Variants in CNTN1 observed in about 807,000 individuals in gnomAD.
CNTN1 encodes the protein contactin-1.
Under a neutral mutation model 126.4 loss-of-function variants are expected in CNTN1, and 38 were observed. That is an observed-to-expected ratio of 0.30 (90% CI 0.23 to 0.39). The LOEUF is 0.39. CNTN1 is among the 10% of genes least tolerant of loss of function. CNTN1 has a pLI of 1.00. For synonymous variants in CNTN1, 413 were observed against 422.6 expected, an observed-to-expected ratio of 0.98 and a Z score of 0.28; for missense variants, 1,009 against 1,248.4, an observed-to-expected ratio of 0.81 and a Z score of 2.89.
At chr12:40,755,224 A>AAAAAAAAAAAAAG (rs1565690132) in intron 1 of CNTN1, among the ~76,000 whole-genome samples, 1 of 124,184 alleles carries the variant, frequency 8.1e-6, no homozygotes, top group African/African-American at 3.1e-5. Context: ...AAAAAAAAAA[A>AAAAAAAAAAAAAG]AAGAAGAAAA....
intron 17 of CNTN1, among the ~76,000 whole-genome samples, chr12:41,000,632 A>AT (rs142621235): frequency 0.67 from 101,959 of 151,550 alleles, 35,062 homozygotes; most frequent in African/African-American, 0.82. Context: ...ATATAGTTTT[A>AT]TTTTTTTTAA....
intron 1 of CNTN1, among the ~76,000 whole-genome samples, chr12:40,818,583 G>T (rs1232215497): frequency 6.6e-6 from 1 of 152,036 alleles, no homozygotes; most frequent in African/African-American, 2.4e-5. Flanking sequence ...CTTTTATCAA[G>T]GTTCTTAGCT....
intron 23 of CNTN1, among the ~76,000 whole-genome samples, chr12:41,049,707 C>T (rs867611813): frequency 1.8e-4 from 27 of 152,252 alleles, no homozygotes; most frequent in Admixed American, 4.6e-4. Context: ...TGCACAAAAA[C>T]CTTTAATGGC....
chr12:40,878,977 A>G (rs1297707173), intron 1 of CNTN1, among the ~76,000 whole-genome samples: 1 of 152,170 alleles, frequency 6.6e-6, no homozygotes, highest in Non-Finnish European at 1.5e-5. Flanking sequence ...TTAATTTTTC[A>G]TAGTCCATAT....
rs542337718 is a variant in CNTN1, at chr12:40,904,921, T to C, written c.-76-3436T>C. ...GCTTACAGCCTAATGGAATAATAAATGGTTACTGAATACTTTCAGTCAACA... is the reference window on the plus strand; with the variant it reads ...GCTTACAGCCTAATGGAATAATAAACGGTTACTGAATACTTTCAGTCAACA... On this transcript the variant is annotated intron_variant, in intron 1 of 23. Coordinates refer to ENST00000551295, the MANE Select transcript of CNTN1 (RefSeq NM_001843.4). Among the ~76,000 whole-genome samples the C allele has an allele frequency of 2.0e-5, 3 of 152,370 alleles. No individual in the cohort carries two copies. In the East Asian group the frequency reaches 5.8e-4, roughly 29 times the overall value.
chr12:40,795,825 T>C (rs1271050532), intron 1 of CNTN1, among the ~76,000 whole-genome samples: 6 of 152,136 alleles, frequency 3.9e-5, no homozygotes, highest in Admixed American at 1.3e-4. Context: ...TGCTAACAGT[T>C]TTTATCACTT....
intron 20 of CNTN1, among the ~76,000 whole-genome samples, chr12:41,024,366 A>AT (rs1289763658): frequency 6.6e-6 from 1 of 151,908 alleles, no homozygotes; most frequent in African/African-American, 2.4e-5. Flanking sequence ...ATTTTTATTC[A>AT]TTTTATTCAT....
intron 1 of CNTN1, among the ~76,000 whole-genome samples, chr12:40,702,013 G>C (rs1185362995): frequency 1.3e-5 from 2 of 152,100 alleles, no homozygotes; most frequent in Non-Finnish European, 2.9e-5. Flanking sequence ...TCCAAAGATA[G>C]CTTCTGACTA....
intron 16 of CNTN1, among the ~76,000 whole-genome samples, chr12:40,991,527 C>G (rs1156668412): frequency 6.6e-6 from 1 of 151,994 alleles, no homozygotes; most frequent in Non-Finnish European, 1.5e-5. Flanking sequence ...TGAAAAGTGT[C>G]CAGTAAAAAA....
intron 14 of CNTN1, among the ~76,000 whole-genome samples, chr12:40,949,432 C>G (rs1279200287): frequency 2.2e-5 from 3 of 139,040 alleles, no homozygotes; most frequent in African/African-American, 5.3e-5. Flanking sequence ...CCCCTCCCCC[C>G]ACCCCACAAC....
At chr12:40,878,195 C>T (rs1346964647) in intron 1 of CNTN1, among the ~76,000 whole-genome samples, 2 of 151,480 alleles carry the variant, frequency 1.3e-5, no homozygotes, top group Non-Finnish European at 2.9e-5. Context: ...CAAAGTTTCT[C>T]CATGTTTGTC....
chr12:40,756,120 G>A (rs776066138), intron 1 of CNTN1, among the ~76,000 whole-genome samples: 5 of 152,130 alleles, frequency 3.3e-5, no homozygotes, highest in Non-Finnish European at 1.5e-5. Context: ...CAGGAGAGGA[G>A]CAAGGGAGTT....
chr12:40,934,023 C>T, intron 9 of CNTN1, 145 bp downstream of exon 9: 2 of 706,114 alleles, frequency 2.8e-6, no homozygotes, highest in Non-Finnish European at 4.8e-6. Context: ...AAATATTTCT[C>T]ATATGTCTAA....
intron 1 of CNTN1, among the ~76,000 whole-genome samples, chr12:40,887,028 T>G (rs941117749): frequency 6.6e-6 from 1 of 152,198 alleles, no homozygotes; most frequent in Non-Finnish European, 1.5e-5. Flanking sequence ...TTCTTTTGGC[T>G]TAGGATTGAC....
chr12:40,743,794 A>C (rs545672535), intron 1 of CNTN1, among the ~76,000 whole-genome samples: 3 of 152,104 alleles, frequency 2.0e-5, no homozygotes, highest in African/African-American at 7.2e-5. Context: ...AGTTTAATTA[A>C]GTCCCATTTA....
intron 1 of CNTN1, among the ~76,000 whole-genome samples, chr12:40,778,256 T>C (rs1939663418): frequency 6.6e-6 from 1 of 151,828 alleles, no homozygotes; most frequent in African/African-American, 2.4e-5. Context: ...TTCTCCTATT[T>C]CAGAGGTCAG....
intron 19 of CNTN1, 32 bp from the exon 20 acceptor site, chr12:41,020,305 A>G (rs1242414335): frequency 7.5e-7 from 1 of 1,339,632 alleles, no homozygotes; most frequent in Non-Finnish European, 1.1e-6. Context: ...TAAATATCTC[A>G]CTAATAATAT....
chr12:40,707,253 T>C (rs138611991), intron 1 of CNTN1, among the ~76,000 whole-genome samples: 61,870 of 102,896 alleles, frequency 0.6, 15,557 homozygotes, highest in East Asian at 0.79. Flanking sequence ...TTTTTTTTTT[T>C]TTTTTTTTTT....
chr12:40,732,077 G>A (rs1182371837), intron 1 of CNTN1, among the ~76,000 whole-genome samples: 1 of 151,888 alleles, frequency 6.6e-6, no homozygotes, highest in Non-Finnish European at 1.5e-5. Flanking sequence ...TATAAAATAG[G>A]AAATGTTAAA....
Sources: gnomAD v4.1 joint callset for allele counts (sites outside exome capture counted in the v4.1 genomes callset) on GRCh38, gnomAD v4.1.1 for gene constraint, MANE v1.5 for transcripts, NCBI Gene and HGNC (gene_info 2026-07-23, HGNC 2026-07-21) for gene names.